ZNF804A: variants seen among roughly 807,000 people sequenced by gnomAD.
ZNF804A encodes the protein zinc finger protein 804A.
A neutral mutation model predicts 16.5 loss-of-function variants in ZNF804A; 2 were observed. The observed-to-expected ratio is 0.12, with a 90% CI of 0.05 to 0.38. The LOEUF is 0.38. ZNF804A is among the 10% of genes least tolerant of loss of function. The pLI is 0.99. For missense variants in ZNF804A, 1,473 were observed against 1,390.7 expected (o/e 1.06, Z -0.94); for synonymous variants, 534 against 489.6 (o/e 1.09, Z -1.20).
intron 1 of ZNF804A, among the ~76,000 whole-genome samples, chr2:184,734,593 T>C (rs1442987223): frequency 1.3e-5 from 2 of 152,196 alleles, no homozygotes; most frequent in East Asian, 1.9e-4. Flanking sequence ...CAGAATGTGG[T>C]CTATCTTGGT....
chr2:184,863,753 C>T (rs971677710), intron 1 of ZNF804A, among the ~76,000 whole-genome samples: 6 of 152,142 alleles, frequency 3.9e-5, no homozygotes, highest in African/African-American at 1.4e-4. Flanking sequence ...AGAATGTTAT[C>T]TCTGCCTCAA....
At chr2:184,680,008 G>C (rs771382768) in intron 1 of ZNF804A, among the ~76,000 whole-genome samples, 7 of 152,160 alleles carry the variant, frequency 4.6e-5, no homozygotes, top group Non-Finnish European at 7.3e-5. Context: ...GCCACTCATG[G>C]ACCAATCAGC....
At chr2:184,721,559 C>G (rs1438039629) in intron 1 of ZNF804A, among the ~76,000 whole-genome samples, 1 of 151,970 alleles carries the variant, frequency 6.6e-6, no homozygotes, top group South Asian at 2.1e-4. Flanking sequence ...GTTACTATGG[C>G]TGTTATTAAA....
intron 1 of ZNF804A, among the ~76,000 whole-genome samples, chr2:184,779,753 C>T (rs1421727398): frequency 6.6e-6 from 1 of 151,658 alleles, no homozygotes; most frequent in Non-Finnish European, 1.5e-5. Flanking sequence ...CTGCTAGAAC[C>T]TTCAGAATGG....
At chr2:184,658,953 T>C (rs1692124268) in intron 1 of ZNF804A, among the ~76,000 whole-genome samples, 1 of 152,170 alleles carries the variant, frequency 6.6e-6, no homozygotes, top group Non-Finnish European at 1.5e-5. Flanking sequence ...TACCTCAGAA[T>C]ATTCCTATGG....
chr2:184,613,902 A>G (rs991755141), intron 1 of ZNF804A, among the ~76,000 whole-genome samples: 12 of 152,320 alleles, frequency 7.9e-5, no homozygotes, highest in Admixed American at 3.9e-4. Flanking sequence ...TCAAGCTACC[A>G]TTGACTTTCT....
At chr2:184,647,375 T>C (rs182143784) in intron 1 of ZNF804A, among the ~76,000 whole-genome samples, 1 of 152,126 alleles carries the variant, frequency 6.6e-6, no homozygotes, top group Non-Finnish European at 1.5e-5. Context: ...TCACATTAGA[T>C]CTCTTACAGT....
At chr2:184,705,029 A>G (rs1692999696) in intron 1 of ZNF804A, among the ~76,000 whole-genome samples, 1 of 152,204 alleles carries the variant, frequency 6.6e-6, no homozygotes, top group South Asian at 2.1e-4. Context: ...CTGCTCTTTC[A>G]GATTATAAAT....
intron 1 of ZNF804A, among the ~76,000 whole-genome samples, chr2:184,812,489 T>C (rs1182530040): frequency 6.6e-6 from 1 of 152,176 alleles, no homozygotes; most frequent in African/African-American, 2.4e-5. Flanking sequence ...CTGACAGCTC[T>C]CTGTGTCAGA....
chr2:184,818,012 G>A (rs6749691), intron 1 of ZNF804A, among the ~76,000 whole-genome samples: 50,697 of 151,714 alleles, frequency 0.33, 11,835 homozygotes, highest in African/African-American at 0.67. Context: ...GACCTTCCTC[G>A]AACTAGCAAG....
rs146795050 is a variant in ZNF804A, at chr2:184,703,131, G to T, written c.111+104061G>T. Among the ~76,000 whole-genome samples the T allele has an allele frequency of 2.1e-3, 325 of 151,900 alleles. 1 individual carries two copies. Among genetic ancestry groups the T allele is most frequent in the Middle Eastern group, 6.8e-3 (2 of 294 alleles). ...CAAAGGCTTCTTTTTCTTACATTTC[G>T]TGAAGTGTTTACTACCCAAATAATT... On this transcript the variant is annotated intron_variant, in intron 1 of 3. Transcript: ENST00000302277.
intron 1 of ZNF804A, among the ~76,000 whole-genome samples, chr2:184,746,565 T>C (rs1167805720): frequency 6.6e-6 from 1 of 151,500 alleles, no homozygotes; most frequent in African/African-American, 2.4e-5. Flanking sequence ...AATTATACTC[T>C]TTTGGTTATT....
intron 1 of ZNF804A, among the ~76,000 whole-genome samples, chr2:184,761,128 C>G (rs1356625902): frequency 6.6e-6 from 1 of 152,004 alleles, no homozygotes; most frequent in East Asian, 1.9e-4. Flanking sequence ...GTTTTACTAC[C>G]TCAGCATATT....
At chr2:184,669,592 G>T (rs183609376) in intron 1 of ZNF804A, among the ~76,000 whole-genome samples, 26 of 152,088 alleles carry the variant, frequency 1.7e-4, no homozygotes, top group Admixed American at 1.6e-3. Context: ...GTTGAAAATG[G>T]CTGATGAGTA....
intron 2 of ZNF804A, among the ~76,000 whole-genome samples, chr2:184,898,100 T>C (rs1436103135): frequency 6.6e-6 from 1 of 152,156 alleles, no homozygotes. Flanking sequence ...AAATGTTTTG[T>C]TATTTTAATT....
intron 1 of ZNF804A, among the ~76,000 whole-genome samples, chr2:184,614,227 C>A (rs1691284643): frequency 6.6e-6 from 1 of 152,212 alleles, no homozygotes; most frequent in South Asian, 2.1e-4. Flanking sequence ...AACTGGCTAG[C>A]CATAGGCAGA....
At chr2:184,710,195 A>T (rs1367661712) in intron 1 of ZNF804A, among the ~76,000 whole-genome samples, 1 of 151,592 alleles carries the variant, frequency 6.6e-6, no homozygotes, top group Non-Finnish European at 1.5e-5. Context: ...GTACTTACAA[A>T]ATTGTGTAAG....
At chr2:184,638,245 T>C (rs999451284) in intron 1 of ZNF804A, among the ~76,000 whole-genome samples, 2 of 152,166 alleles carry the variant, frequency 1.3e-5, no homozygotes, top group African/African-American at 4.8e-5. Context: ...TAAAAATCCA[T>C]TGAGGTATGA....
intron 1 of ZNF804A, among the ~76,000 whole-genome samples, chr2:184,802,071 G>A (rs771808107): frequency 4.6e-5 from 7 of 152,300 alleles, no homozygotes; most frequent in African/African-American, 1.7e-4. Context: ...TCTTTAAGCT[G>A]TAATCCACTT....
Sources: gnomAD v4.1 joint callset for allele counts (sites outside exome capture counted in the v4.1 genomes callset) on GRCh38, gnomAD v4.1.1 for gene constraint, MANE v1.5 for transcripts, NCBI Gene and HGNC (gene_info 2026-07-23, HGNC 2026-07-21) for gene names.